The following NALCN variants were observed in gnomAD, a reference collection of about 807,000 sequenced individuals.
NALCN encodes sodium leak channel NALCN.
Under a neutral mutation model 225.3 loss-of-function variants are expected in NALCN, and 111 were observed. That is an observed-to-expected ratio of 0.49 (90% CI 0.42 to 0.58). The LOEUF (loss-of-function observed/expected upper bound fraction) is 0.58. Among genes scored for constraint, NALCN ranks in the 20% least tolerant of loss-of-function variants. The pLI, the probability that NALCN is intolerant of heterozygous loss-of-function variation, is 0.00. For synonymous variants in NALCN, 764 were observed against 769.0 expected, an observed-to-expected ratio of 0.99 and a Z score of 0.11; for missense variants, 1,378 against 2,202.4, an observed-to-expected ratio of 0.63 and a Z score of 7.49.
intron 7 of NALCN, among the ~76,000 whole-genome samples, chr13:101,312,887 C>G (rs1359907464): frequency 6.6e-6 from 1 of 152,062 alleles, no homozygotes; most frequent in Non-Finnish European, 1.5e-5. Flanking sequence ...AATCCTAAGC[C>G]AAAAGAGCAA....
chr13:101,416,035 G>A (rs558514713), intron 1 of NALCN, among the ~76,000 whole-genome samples: 4 of 152,132 alleles, frequency 2.6e-5, no homozygotes, highest in African/African-American at 9.6e-5. Flanking sequence ...ACACCCACGC[G>A]CAGGAATAGG....
chr13:101,290,108 A>T (rs1304755824), intron 9 of NALCN, among the ~76,000 whole-genome samples: 1 of 152,244 alleles, frequency 6.6e-6, no homozygotes, highest in Non-Finnish European at 1.5e-5. Context: ...CCTCTGAATT[A>T]CCAATTTATT....
intron 1 of NALCN, among the ~76,000 whole-genome samples, chr13:101,408,710 C>T (rs1236474367): frequency 6.6e-6 from 1 of 152,136 alleles, no homozygotes; most frequent in Non-Finnish European, 1.5e-5. Flanking sequence ...CCTCCAAATG[C>T]CACCTGCCAC....
chr13:101,231,365 T>C (rs1039608495), intron 12 of NALCN, among the ~76,000 whole-genome samples: 1 of 152,234 alleles, frequency 6.6e-6, no homozygotes, highest in Admixed American at 6.5e-5. Flanking sequence ...TAGGATTCAA[T>C]GGCTACTATT....
At chr13:101,162,432 C>A (rs918163379) in intron 15 of NALCN, among the ~76,000 whole-genome samples, 1 of 152,144 alleles carries the variant, frequency 6.6e-6, no homozygotes, top group Admixed American at 6.5e-5. Context: ...AAGATCCAAA[C>A]GGACTGTGTG....
chr13:101,159,804 G>A (rs576445448), intron 15 of NALCN, among the ~76,000 whole-genome samples: 19 of 152,054 alleles, frequency 1.2e-4, no homozygotes, highest in African/African-American at 3.1e-4. Context: ...GTTAGGACTC[G>A]TGTCATCAAA....
intron 18 of NALCN, chr13:101,116,540 A>G (rs1271944165): frequency 1.9e-6 from 1 of 516,262 alleles, no homozygotes. Context: ...CTTTGTCTCC[A>G]TGTCTTCTTT....
At chr13:101,214,403 C>A (rs959718320) in intron 13 of NALCN, among the ~76,000 whole-genome samples, 10 of 151,996 alleles carry the variant, frequency 6.6e-5, no homozygotes, top group African/African-American at 1.7e-4. Flanking sequence ...ATGTAACAAA[C>A]CTGCACGTTA....
intron 1 of NALCN, among the ~76,000 whole-genome samples, chr13:101,408,960 T>A (rs9513889): frequency 0.13 from 20,539 of 152,158 alleles, 2,121 homozygotes; most frequent in East Asian, 0.58. Context: ...TTTTTATGAG[T>A]CTATTTCTTA....
chr13:101,077,011 C>T (rs979659767), intron 34 of NALCN, among the ~76,000 whole-genome samples: 3 of 152,130 alleles, frequency 2.0e-5, no homozygotes, highest in Non-Finnish European at 4.4e-5. Context: ...GGGGTGGTTT[C>T]CCTCATCCTG....
intron 28 of NALCN, 118 bp from the exon 29 acceptor site, chr13:101,090,084 A>C: frequency 2.2e-6 from 3 of 1,343,468 alleles, no homozygotes; most frequent in Non-Finnish European, 3.1e-6. Context: ...GTATATACAC[A>C]CACATATATA....
At chr13:101,373,770 T>C (rs934326518) in intron 6 of NALCN, among the ~76,000 whole-genome samples, 1 of 152,158 alleles carries the variant, frequency 6.6e-6, no homozygotes, top group East Asian at 1.9e-4. Context: ...TTGAGGAGGA[T>C]CATTATTTTC....
chr13:101,070,061 A>ATTTTT (rs1377492353), intron 37 of NALCN, among the ~76,000 whole-genome samples: 11 of 19,250 alleles, frequency 5.7e-4, no homozygotes, highest in Admixed American at 1.4e-3. Context: ...TGAATCATGA[A>ATTTTT]TGTTTTTTTT....
chr13:101,161,948 C>A (rs1594338125), intron 15 of NALCN, among the ~76,000 whole-genome samples: 4 of 152,264 alleles, frequency 2.6e-5, no homozygotes, highest in Admixed American at 2.6e-4. Flanking sequence ...TCATGCCCTG[C>A]TGACTTTTCC....
intron 36 of NALCN, 24 bp from the exon 37 acceptor site, chr13:101,073,701 C>A (rs1249919103): frequency 3.2e-6 from 5 of 1,585,800 alleles, no homozygotes; most frequent in South Asian, 1.1e-5. Context: ...AAAAAATTAA[C>A]AGAATGTGAA....
At chr13:101,320,051 G>A (rs1449979309) in intron 7 of NALCN, among the ~76,000 whole-genome samples, 2 of 152,154 alleles carry the variant, frequency 1.3e-5, no homozygotes, top group African/African-American at 2.4e-5. Flanking sequence ...ACTCCTGGGT[G>A]ATCAGAGCAC....
chr13:101,266,475 A>G (rs977984851), intron 10 of NALCN, among the ~76,000 whole-genome samples: 2 of 152,254 alleles, frequency 1.3e-5, no homozygotes, highest in African/African-American at 4.8e-5. Flanking sequence ...ACTGTAGGCA[A>G]AGAGACAAAA....
At chr13:101,241,358 C>T (rs1444009773) in intron 11 of NALCN, among the ~76,000 whole-genome samples, 1 of 152,198 alleles carries the variant, frequency 6.6e-6, no homozygotes, top group Non-Finnish European at 1.5e-5. Flanking sequence ...TTCTCAGATT[C>T]TGGACGTAAT....
intron 14 of NALCN, among the ~76,000 whole-genome samples, chr13:101,186,158 T>A (rs1299086409): frequency 6.6e-6 from 1 of 152,242 alleles, no homozygotes; most frequent in African/African-American, 2.4e-5. Context: ...ATATTTCTCA[T>A]AAGGCAGATT....
Sources: gnomAD v4.1 joint callset for allele counts (sites outside exome capture counted in the v4.1 genomes callset) on GRCh38, gnomAD v4.1.1 for gene constraint, MANE v1.5 for transcripts, NCBI Gene and HGNC (gene_info 2026-07-23, HGNC 2026-07-21) for gene names.